Variants in ENTPD3 observed in about 807,000 individuals in gnomAD.
ENTPD3 encodes ectonucleoside triphosphate diphosphohydrolase 3.
ENTPD3 carries 60 observed loss-of-function variants against 51.2 expected under a neutral mutation model. The ratio of observed to expected loss-of-function variants is 1.17; its 90% confidence interval spans 0.95 to 1.45. ENTPD3 has a LOEUF of 1.45. ENTPD3 is among the 40% of genes most tolerant of loss of function. The pLI is 0.00. For synonymous variants in ENTPD3, 221 were observed against 238.4 expected (o/e 0.93, Z 0.67); for missense variants, 593 against 641.1 (o/e 0.93, Z 0.81).
intron 7 of ENTPD3, among the ~76,000 whole-genome samples, chr3:40,421,635 TTAAA>T (rs1382182054): frequency 6.6e-6 from 1 of 152,186 alleles, no homozygotes; most frequent in African/African-American, 2.4e-5. Flanking sequence ...ATGATATTCC[TTAAA>T]TAAAGTATGG....
rs184728067 is a variant in ENTPD3, at chr3:40,409,542, T to C, written c.287-2270T>C. Among the ~76,000 whole-genome samples the C allele has an allele frequency of 3.8e-3, 581 of 152,286 alleles. 2 individuals are homozygous for C. Among genetic ancestry groups the C allele is most frequent in the African/African-American group, 0.013 (539 of 41,556 alleles). On this transcript the variant is annotated intron_variant, in intron 4 of 10. Coordinates refer to ENST00000301825, the MANE Select transcript of ENTPD3 (RefSeq NM_001248.4). ...ACGTCTGTGCATCTTAATGGACACA[T>C]CCAAGCAAAACTTGTAATTACAATG...
intron 1 of ENTPD3, among the ~76,000 whole-genome samples, chr3:40,387,607 TAA>T (rs1434962051): frequency 6.6e-6 from 1 of 152,112 alleles, no homozygotes; most frequent in Admixed American, 6.5e-5. Context: ...AGCCAGCAGC[TAA>T]AGACTCCCTT....
chr3:40,400,895 A>G lies in ENTPD3; in HGVS notation c.170A>G (p.Tyr57Cys). ...CTCTCCCTTTCCCTTTTTATTCAGT[A>G]TGGTATTGTGCTGGATGCCGGGTCT... Reference protein sequence around the residue: ...KQEVLPPGLKYGIVLDAGSSR... With the variant: ...KQEVLPPGLKCGIVLDAGSSR... Residue 57 changes from tyrosine to cysteine, a missense_variant and splice_region_variant, in exon 4 of 11, where the codon TAT becomes TGT. Tyr to Cys is a radical substitution (Grantham distance 194, BLOSUM62 -2). Coordinates refer to ENST00000301825, the MANE Select transcript of ENTPD3 (RefSeq NM_001248.4). 6.2e-7 allele frequency: 1 copy of G among 1,612,362 alleles called. No homozygotes were observed. Among genetic ancestry groups the G allele is most frequent in the Non-Finnish European group, 8.5e-7 (1 of 1,178,550 alleles).
intron 3 of ENTPD3, among the ~76,000 whole-genome samples, chr3:40,395,048 G>A (rs562197451): frequency 2.0e-5 from 3 of 152,344 alleles, no homozygotes. Flanking sequence ...GGGTGGCCAA[G>A]AGGCAGCTGC....
rs1956009697 is a variant in ENTPD3, at chr3:40,427,568, G to A, written c.*60G>A. The A allele has an allele frequency of 3.8e-6, 5 of 1,309,062 alleles. No homozygotes were observed. Among genetic ancestry groups the A allele is most frequent in the Non-Finnish European group, 5.5e-6 (5 of 907,552 alleles). The allele number at this position is 1,309,062 out of a possible 1,614,324, so 81.1% of individuals were successfully genotyped here. On this transcript the variant is annotated 3_prime_UTR_variant, in exon 11 of 11. Coordinates refer to ENST00000301825, the MANE Select transcript of ENTPD3 (RefSeq NM_001248.4). ...TTAGAGTCAGCCTGGGTGGCACCAG[G>A]CAATGCAGGTGAAGTGGCTGCCTTC...
rs1252865313 is a variant in ENTPD3 at position 40,393,860 on chromosome 3, TG to T, written c.168+1712del. Among the ~76,000 whole-genome samples, 3 of 151,648 alleles carry T rather than the reference TG, an allele frequency of 2.0e-5. No individual in the cohort carries two copies. In the East Asian group the frequency reaches 5.9e-4, roughly 30 times the overall value. On this transcript the variant is annotated intron_variant, in intron 3 of 10. Coordinates refer to ENST00000301825, the MANE Select transcript of ENTPD3 (RefSeq NM_001248.4). ...GAGATTGAGACCGTCCTGGCTAACG[TG>T]GTGAAACCCCATCTCTACTAAAAAT...
At chr3:40,393,820 G>A (rs977755446) in intron 3 of ENTPD3, among the ~76,000 whole-genome samples, 1 of 151,808 alleles carries the variant, frequency 6.6e-6, no homozygotes, top group African/African-American at 2.4e-5. Flanking sequence ...CGAGGCGGGC[G>A]GATCACGAGG....
At chr3:40,407,254 A>G (rs1227397179) in intron 4 of ENTPD3, among the ~76,000 whole-genome samples, 4 of 152,098 alleles carry the variant, frequency 2.6e-5, no homozygotes, top group African/African-American at 7.2e-5. Context: ...CTTGTGGGTC[A>G]TATGGTCTCT....
intron 3 of ENTPD3, chr3:40,394,402 A>C (rs1270303919): frequency 4.0e-6 from 1 of 248,440 alleles, no homozygotes; most frequent in South Asian, 3.9e-5. Context: ...GATTATAAGC[A>C]TGAGCCACCG....
rs1264762577 is a variant in ENTPD3, at chr3:40,422,934, A to G, written c.916A>G (p.Ser306Gly). Residue 306 changes from serine (S) to glycine (G), a missense_variant, in exon 8 of 11, where the codon AGC becomes GGC. Transcript: ENST00000301825. ...ISFTMGHVFD[S>G]LCTVDQRPES... ...CTTCACCATGGGCCATGTATTTGAT[A>G]GCCTGTGCACTGTGGACCAGAGGCC... is the stretch of plus-strand genomic sequence containing the variant. The G allele has an allele frequency of 6.2e-7, 1 of 1,614,068 alleles. No homozygotes were observed. The highest frequency in any genetic ancestry group is 8.5e-7 in the Non-Finnish European group (1 of 1,179,986).
chr3:40,400,264 C>CAAAAAAA (rs374610863), intron 3 of ENTPD3, among the ~76,000 whole-genome samples: 2 of 72,574 alleles, frequency 2.8e-5, no homozygotes, highest in African/African-American at 3.7e-5. Context: ...AACTGCATCT[C>CAAAAAAA]AAAAAAAAAA....
Position 40,415,973 on chromosome 3 carries a change from A to G in ENTPD3, c.731A>G (p.Gln244Arg), listed in dbSNP as rs1176886184. 6.2e-7 allele frequency: 1 copy of G among 1,613,906 alleles called. No individual in the cohort carries two copies. Among genetic ancestry groups the G allele is most frequent in the Non-Finnish European group, 8.5e-7 (1 of 1,179,784 alleles). ...GATCTGAACACCAGCGACATCATGC[A>G]GGTGTCCCTGTATGGCTACGTATAC... is the stretch of plus-strand genomic sequence containing the variant. ...KMDLNTSDIM[Q>R]VSLYGYVYTL... is the part of the protein sequence containing the mutation. The change falls in exon 7 of 11, where the codon CAG (glutamine) becomes CGG (arginine). Residue 244 changes from glutamine to arginine, a missense_variant. Coordinates refer to ENST00000301825, the MANE Select transcript of ENTPD3 (RefSeq NM_001248.4).
At position 40,428,122 on chromosome 3, in the gene ENTPD3, T is replaced by C. The variant is rs998402544; in HGVS notation, c.*614T>C. On this transcript the variant is annotated 3_prime_UTR_variant, in exon 11 of 11. Coordinates refer to ENST00000301825, the MANE Select transcript of ENTPD3 (RefSeq NM_001248.4). ...ATAAAAAAGGTCTCCCAGAAAACTA[T>C]AGACCATTCTCCAAGTGGAATTCCC... The C allele has an allele frequency of 1.9e-5, 3 of 154,902 alleles. No homozygotes were observed. The South Asian group carries it at 6.0e-4, about 31-fold the overall frequency. The allele number at this position is 154,902 out of a possible 1,614,324, so 9.6% of individuals were successfully genotyped here. A position where few individuals can be genotyped will look rare whatever the true frequency, so the allele number is the denominator to read the frequency against.
intron 7 of ENTPD3, among the ~76,000 whole-genome samples, chr3:40,420,657 G>A (rs1955849735): frequency 6.6e-6 from 1 of 151,906 alleles, no homozygotes; most frequent in Non-Finnish European, 1.5e-5. Flanking sequence ...GGCAGAAAGG[G>A]GCCTGTTTGC....
chr3:40,390,137 T>C (rs1955020248), intron 2 of ENTPD3, among the ~76,000 whole-genome samples: 1 of 152,234 alleles, frequency 6.6e-6, no homozygotes, highest in Admixed American at 6.5e-5. Context: ...ATCTTTCTAT[T>C]AGTGTTCATC....
chr3:40,402,141 CAG>C (rs1206176271), intron 4 of ENTPD3, among the ~76,000 whole-genome samples: 2 of 1,392 alleles, frequency 1.4e-3, no homozygotes, highest in Non-Finnish European at 5.1e-3. Flanking sequence ...TTTTTTGAGA[CAG>C]AGTCTCACTC....
intron 4 of ENTPD3, among the ~76,000 whole-genome samples, chr3:40,402,904 G>C (rs551360407): frequency 6.6e-6 from 1 of 152,152 alleles, no homozygotes; most frequent in Non-Finnish European, 1.5e-5. Context: ...ATATGTGTAA[G>C]CCTTTTTCAA....
chr3:40,391,732 C>T (rs1196289243), intron 2 of ENTPD3: 1 of 401,942 alleles, frequency 2.5e-6, no homozygotes, highest in Admixed American at 4.5e-5. Context: ...TATTGTAATT[C>T]ATCTCAGGGA....
chr3:40,403,860 G>A (rs1267789551), intron 4 of ENTPD3, among the ~76,000 whole-genome samples: 1 of 151,976 alleles, frequency 6.6e-6, no homozygotes, highest in African/African-American at 2.4e-5. Context: ...TGTTGCCCAG[G>A]CTGGTCTTGA....
Sources: allele counts gnomAD v4.1 joint callset (sites outside exome capture counted in the v4.1 genomes callset), GRCh38; gene constraint gnomAD v4.1.1; transcripts MANE v1.5; gene names NCBI Gene and HGNC (gene_info 2026-07-23, HGNC 2026-07-21).